The following AGAP1 variants were observed in gnomAD, a reference collection of about 807,000 sequenced individuals.
The protein encoded by AGAP1 is ArfGAP with GTPase domain, ankyrin repeat and PH domain 1, also known as arf-GAP with GTPase, ANK repeat and PH domain-containing protein 1.
A neutral mutation model predicts 105.3 loss-of-function variants in AGAP1; 29 were observed. The ratio of observed to expected loss-of-function variants is 0.28; its 90% CI spans 0.21 to 0.38. The LOEUF (loss-of-function observed/expected upper bound fraction) is 0.38. Ranked by LOEUF, AGAP1 falls within the 10% of genes least tolerant of loss-of-function variation. The pLI, the probability that AGAP1 is intolerant of heterozygous loss-of-function variation, is 1.00. For missense variants in AGAP1, 998 were observed against 1,165.1 expected, an observed-to-expected ratio of 0.86 and a Z score of 2.09; for synonymous variants, 509 against 485.9, an observed-to-expected ratio of 1.05 and a Z score of -0.63.
intron 3 of AGAP1, among the ~76,000 whole-genome samples, chr2:235,738,692 G>T (rs946508577): frequency 1.1e-4 from 17 of 151,572 alleles, no homozygotes; most frequent in Non-Finnish European, 1.9e-4. Context: ...CGAGTAGCTG[G>T]GATTACAGGC....
intron 9 of AGAP1, among the ~76,000 whole-genome samples, chr2:235,840,751 A>G (rs1226605723): frequency 1.4e-5 from 2 of 145,444 alleles, no homozygotes; most frequent in Non-Finnish European, 3.0e-5. Flanking sequence ...GATGTGGAGG[A>G]TGAAGGAGAA....
chr2:235,681,284 C>T (rs1363965981), intron 1 of AGAP1, among the ~76,000 whole-genome samples: 4 of 152,208 alleles, frequency 2.6e-5, no homozygotes, highest in African/African-American at 9.6e-5. Flanking sequence ...GCTGGGATTA[C>T]AGGCGTGAGC....
At chr2:235,853,816 C>T (rs1302890608) in intron 9 of AGAP1, among the ~76,000 whole-genome samples, 3 of 151,982 alleles carry the variant, frequency 2.0e-5, no homozygotes, top group East Asian at 3.9e-4. Flanking sequence ...AAAGGATGGT[C>T]GCTAGCTTGT....
rs1338732872 is a variant in AGAP1, at chr2:236,042,304, G to A, written c.1891+1463G>A. On this transcript the variant is annotated intron_variant, in intron 15 of 17. Coordinates refer to ENST00000304032, the MANE Select transcript of AGAP1 (RefSeq NM_001037131.3). This position sits in a 1 kb window ranked among gnomAD's most constrained non-coding sequence, Gnocchi z 5.6. Reference sequence around the variant, plus strand: ...AAGAGTCCACTCAGCAGCATAGCAGGCAGGGGAGAGATCAAAAGTCTGTCT... The same window carrying A: ...AAGAGTCCACTCAGCAGCATAGCAGACAGGGGAGAGATCAAAAGTCTGTCT... Among the ~76,000 whole-genome samples, 1 of 152,160 alleles carries A rather than the reference G, an allele frequency of 6.6e-6. No homozygotes were observed. The highest frequency in any genetic ancestry group is 6.5e-5 in the Admixed American group (1 of 15,282).
chr2:235,610,955 G>A lies in AGAP1; in HGVS notation c.164-98224G>A, dbSNP rs1254333552. 6.6e-6 allele frequency among the ~76,000 whole-genome samples: 1 copy of A among 152,040 alleles called. No homozygotes were observed. The highest frequency in any genetic ancestry group is 2.4e-5 in the African/African-American group (1 of 41,346). On this transcript the variant is annotated intron_variant, in intron 1 of 17. Coordinates refer to ENST00000304032, the MANE Select transcript of AGAP1 (RefSeq NM_001037131.3). The surrounding 1 kb of genome is among the most constrained non-coding windows in gnomAD (Gnocchi z 4.9). Reference sequence around the variant, plus strand: ...CTCTGAAGAGCGGCCCAGTAGGATGGTTGACTGACGTTAGCTTGGCTTTCT... The same window carrying A: ...CTCTGAAGAGCGGCCCAGTAGGATGATTGACTGACGTTAGCTTGGCTTTCT...
At chr2:235,511,374 C>G (rs915699007) in intron 1 of AGAP1, among the ~76,000 whole-genome samples, 5 of 152,080 alleles carry the variant, frequency 3.3e-5, no homozygotes, top group African/African-American at 1.2e-4. Flanking sequence ...TCCCTGGGGT[C>G]TGAGCCAGGC....
At chr2:235,909,801 G>A (rs571863908) in intron 11 of AGAP1, among the ~76,000 whole-genome samples, 3 of 152,048 alleles carry the variant, frequency 2.0e-5, no homozygotes, top group Non-Finnish European at 2.9e-5. Context: ...CGGGTGGATC[G>A]CCTGAGGTCA....
intron 13 of AGAP1, among the ~76,000 whole-genome samples, chr2:236,026,746 A>G (rs1377838603): frequency 1.3e-5 from 2 of 152,162 alleles, no homozygotes; most frequent in African/African-American, 4.8e-5. Flanking sequence ...AATAAAAATT[A>G]AAAGAAGGAC....
At chr2:235,589,493 C>CA (rs1301203762) in intron 1 of AGAP1, among the ~76,000 whole-genome samples, 1 of 152,072 alleles carries the variant, frequency 6.6e-6, no homozygotes, top group African/African-American at 2.4e-5. Context: ...AGGCATGAGC[C>CA]ACCGCGCCAG....
chr2:235,543,469 C>T (rs1023785249), intron 1 of AGAP1, among the ~76,000 whole-genome samples: 13 of 152,182 alleles, frequency 8.5e-5, no homozygotes, highest in African/African-American at 2.7e-4. Context: ...GGACGAAGGA[C>T]ATGGCAGAGC....
intron 1 of AGAP1, among the ~76,000 whole-genome samples, chr2:235,541,376 C>CTTTT (rs556785424): frequency 4.7e-4 from 43 of 91,092 alleles, no homozygotes; most frequent in Middle Eastern, 6.3e-3. Flanking sequence ...CATTCTTATT[C>CTTTT]TTTTTTTTTT....
Position 235,723,133 on chromosome 2 carries a change from G to T in AGAP1, c.310+5489G>T, listed in dbSNP as rs1223021477. Among the ~76,000 whole-genome samples the T allele has an allele frequency of 6.6e-6, 1 of 152,166 alleles. No individual in the cohort carries two copies. The highest frequency in any genetic ancestry group is 1.5e-5 in the Non-Finnish European group (1 of 68,046). On this transcript the variant is annotated intron_variant, in intron 3 of 17. Transcript: ENST00000304032. This position sits in a 1 kb window ranked among gnomAD's most constrained non-coding sequence, Gnocchi z 6.2. ...CCTCACAAGGACTCATCGGCTGGCAGTGACCTTCACACCTCTGAGGACAAT... is the reference window on the plus strand; with the variant it reads ...CCTCACAAGGACTCATCGGCTGGCATTGACCTTCACACCTCTGAGGACAAT...
chr2:236,103,501 CTTT>C (rs1021541271), intron 16 of AGAP1, among the ~76,000 whole-genome samples: 6 of 149,110 alleles, frequency 4.0e-5, no homozygotes, highest in Non-Finnish European at 8.8e-5. Flanking sequence ...TTTCTTTTTT[CTTT>C]TCTTTTCTTT....
intron 1 of AGAP1, among the ~76,000 whole-genome samples, chr2:235,529,969 C>A (rs1410234724): frequency 6.6e-6 from 1 of 152,132 alleles, no homozygotes; most frequent in Non-Finnish European, 1.5e-5. Flanking sequence ...GGAGCCTTTG[C>A]CATCTGAAGC....
intron 12 of AGAP1, among the ~76,000 whole-genome samples, chr2:235,937,187 C>G (rs2053032418): frequency 6.6e-6 from 1 of 152,188 alleles, no homozygotes; most frequent in South Asian, 2.1e-4. Flanking sequence ...GCTCTCATCT[C>G]TCAAAGCTGG....
chr2:235,994,799 G>T lies in AGAP1; in HGVS notation c.1645+26176G>T, dbSNP rs1197735623. Among the ~76,000 whole-genome samples the T allele has an allele frequency of 2.0e-5, 3 of 150,810 alleles. No homozygotes were observed. The highest frequency in any genetic ancestry group is 6.6e-5 in the Admixed American group (1 of 15,176). ...AAATTAGAATAGGCCGGGCCCAATG[G>T]CTCACACCTGTAATCCTAGCACTTT... is the stretch of plus-strand genomic sequence containing the variant. On this transcript the variant is annotated intron_variant, in intron 13 of 17. Coordinates refer to ENST00000304032, the MANE Select transcript of AGAP1 (RefSeq NM_001037131.3). This position sits in a 1 kb window ranked among gnomAD's most constrained non-coding sequence, Gnocchi z 4.4.
chr2:235,886,259 T>C (rs888136373), intron 10 of AGAP1, among the ~76,000 whole-genome samples: 1 of 152,252 alleles, frequency 6.6e-6, no homozygotes. Context: ...AATCAAAATA[T>C]CATTCTTGGT....
intron 1 of AGAP1, among the ~76,000 whole-genome samples, chr2:235,525,132 C>G (rs755363352): frequency 6.6e-6 from 1 of 152,182 alleles, no homozygotes; most frequent in Non-Finnish European, 1.5e-5. Flanking sequence ...GGGGCAGTAA[C>G]TGTTTAATGT....
intron 13 of AGAP1, among the ~76,000 whole-genome samples, chr2:236,013,061 G>A (rs1309098730): frequency 1.3e-5 from 2 of 152,162 alleles, no homozygotes; most frequent in Admixed American, 1.3e-4. Flanking sequence ...TTTTCACACT[G>A]CAAAGGAATT....
Sources: allele counts gnomAD v4.1 joint callset (sites outside exome capture counted in the v4.1 genomes callset), GRCh38; gene constraint gnomAD v4.1.1; non-coding constraint Gnocchi (gnomAD v3.1); transcripts MANE v1.5; gene names NCBI Gene and HGNC (gene_info 2026-07-23, HGNC 2026-07-21).